Variants in TMEM63B observed in about 807,000 individuals in gnomAD.
TMEM63B encodes the protein transmembrane protein 63B.
A neutral mutation model predicts 102.6 loss-of-function variants in TMEM63B; 23 were observed. The observed-to-expected ratio is 0.22, with a 90% CI of 0.16 to 0.32. The LOEUF (loss-of-function observed/expected upper bound fraction) is 0.32, where lower values mean the gene tolerates loss of function less well. Ranked by LOEUF, TMEM63B falls within the 10% of genes least tolerant of loss-of-function variation. The pLI is 1.00. For synonymous variants in TMEM63B, 444 were observed against 437.0 expected (o/e 1.02, Z -0.20); for missense variants, 628 against 1,095.9 (o/e 0.57, Z 6.03).
intron 8 of TMEM63B, 143 bp from the exon 9 acceptor site, chr6:44,140,109 C>A: frequency 1.5e-6 from 1 of 673,814 alleles, no homozygotes; most frequent in Non-Finnish European, 2.6e-6. Flanking sequence ...TGTGGGCCTG[C>A]CTTGCGAGGA....
At chr6:44,145,199 C>T (rs1765097296) in intron 10 of TMEM63B, among the ~76,000 whole-genome samples, 1 of 148,548 alleles carries the variant, frequency 6.7e-6, no homozygotes, top group Admixed American at 6.8e-5. Flanking sequence ...CACTTGAACC[C>T]AAGAGGTGGA....
intron 15 of TMEM63B, 105 bp from the exon 16 acceptor site, chr6:44,149,754 T>C (rs1766195637): frequency 1.2e-6 from 1 of 854,660 alleles, no homozygotes; most frequent in East Asian, 2.7e-5. Context: ...ATGGGAGCCC[T>C]GAGAGTTGTG....
chr6:44,155,073 G>A lies in TMEM63B; in HGVS notation c.*190G>A. ...AGGGAGGGAGCCCCCCAACCTCAGT[G>A]AGGAGAGCCCCGAGCCGGCCCCGGG... On this transcript the variant is annotated 3_prime_UTR_variant, in exon 24 of 24. Transcript: ENST00000323267. The A allele has an allele frequency of 1.8e-6, 1 of 548,076 alleles. No homozygotes were observed. Among genetic ancestry groups the A allele is most frequent in the South Asian group, 3.7e-5 (1 of 27,346 alleles). 34.0% of individuals were successfully genotyped at this position (548,076 alleles called of 1,614,324 possible).
In TMEM63B at chr6:44,149,984, C is replaced by T. The variant is rs1280983067; in HGVS notation, c.1520+19C>T. On this transcript the variant is annotated intron_variant, in intron 16 of 23. Transcript: ENST00000323267. ...GGACACGGTAAGGTGCCTCCACTCACACCACACCTCGCTGTGGCCTGCCCT... is the reference window on the plus strand; with the variant it reads ...GGACACGGTAAGGTGCCTCCACTCATACCACACCTCGCTGTGGCCTGCCCT... The T allele has an allele frequency of 1.2e-6, 2 of 1,603,554 alleles. No individual in the cohort carries two copies. The highest frequency in any genetic ancestry group is 1.3e-5 in the African/African-American group (1 of 74,692).
chr6:44,129,929 A>T (rs1411248746), intron 1 of TMEM63B, among the ~76,000 whole-genome samples: 1 of 152,188 alleles, frequency 6.6e-6, no homozygotes, highest in Non-Finnish European at 1.5e-5. Flanking sequence ...GCCCAGGGTG[A>T]CTAAGTAATT....
rs963994820 is a variant in TMEM63B, at chr6:44,147,226, G to A, written c.864-151G>A. 9 of 1,295,050 alleles carry A rather than the reference G, an allele frequency of 6.9e-6. No individual in the cohort carries two copies. The South Asian group carries it at 1.2e-4, about 18-fold the overall frequency. 80.2% of individuals were successfully genotyped at this position (1,295,050 alleles called of 1,614,324 possible). On this transcript the variant is annotated intron_variant, in intron 11 of 23. Transcript: ENST00000323267. ...AAGAACTTCTGGCCCTCTAGGGATG[G>A]GTGGGGAGACCTTGGGATGTGGCCA...
Position 44,154,068 on chromosome 6 carries a change from AC to A in TMEM63B, c.2111-3del. The A allele has an allele frequency of 1.9e-6, 3 of 1,613,768 alleles. No individual in the cohort carries two copies. The highest frequency in any genetic ancestry group is 2.5e-6 in the Non-Finnish European group (3 of 1,179,750). On this transcript the variant is annotated splice_region_variant and splice_polypyrimidine_tract_variant and intron_variant, in intron 21 of 23. Coordinates refer to ENST00000323267, the MANE Select transcript of TMEM63B (RefSeq NM_018426.3). ...GCAACCCCATTCTTTGCCCCCCAAC[AC>A]CAGGGTTCCTAGCTCCCACGTCTAT...
chr6:44,149,201 T>C, intron 15 of TMEM63B: 1 of 556,956 alleles, frequency 1.8e-6, no homozygotes, highest in Non-Finnish European at 3.2e-6. Context: ...AGTCCTGATC[T>C]CAGAGAAGTC....
At position 44,150,558 on chromosome 6, in the gene TMEM63B, C is replaced by T; in HGVS notation, c.1608-6C>T. The stretch of plus-strand genomic sequence containing the variant: ...CCCACCCCATCTCTCCTCTGCTTCC[C>T]TCCAGCCTGGACCTCTTCTTCCGCT... On this transcript the variant is annotated splice_polypyrimidine_tract_variant and splice_region_variant and intron_variant, in intron 17 of 23. Transcript: ENST00000323267. This position sits in a 1 kb window ranked among gnomAD's most constrained non-coding sequence, Gnocchi z 4.7. 2.5e-6 allele frequency: 4 copies of T among 1,614,168 alleles called. No individual in the cohort carries two copies. Among genetic ancestry groups the T allele is most frequent in the Admixed American group, 1.7e-5 (1 of 60,028 alleles).
rs1284480697 is a variant in TMEM63B at position 44,152,784 on chromosome 6, G to A, written c.1942+86G>A. 18 of 1,157,332 alleles carry A rather than the reference G, an allele frequency of 1.6e-5. No homozygotes were observed. The highest frequency in any genetic ancestry group is 2.0e-4 in the Middle Eastern group (1 of 4,980). The allele number at this position is 1,157,332 out of a possible 1,614,324, so 71.7% of individuals were successfully genotyped here. A position where few individuals can be genotyped will look rare whatever the true frequency, so the allele number is the denominator to read the frequency against. On this transcript the variant is annotated intron_variant, in intron 20 of 23. Coordinates refer to ENST00000323267, the MANE Select transcript of TMEM63B (RefSeq NM_018426.3). This position sits in a 1 kb window ranked among gnomAD's most constrained non-coding sequence, Gnocchi z 6.4. ...CCACTCTAGGAATGCAGGCCACCCC[G>A]AGTGGACAGGGCCCGGCTGGGAGAC...
At chr6:44,138,844 C>T in intron 6 of TMEM63B, 1 of 345,418 alleles carries the variant, frequency 2.9e-6, no homozygotes, top group Non-Finnish European at 5.5e-6. Context: ...CTGGGAGCAG[C>T]CAGCCAGCTG....
rs754371756 is a variant in TMEM63B, at chr6:44,151,797, C to T, written c.1674-49C>T. On this transcript the variant is annotated intron_variant, in intron 18 of 23. Coordinates refer to ENST00000323267, the MANE Select transcript of TMEM63B (RefSeq NM_018426.3). The stretch of plus-strand genomic sequence containing the variant: ...TGTAGTTCTGGCAGTGGGCGGGCGG[C>T]CACCGGGTCACCCCAAGGGTGCAGT... The T allele has an allele frequency of 7.2e-6, 11 of 1,531,308 alleles. No homozygotes were observed. The South Asian group carries it at 1.4e-4, about 19-fold the overall frequency. The allele number at this position is 1,531,308 out of a possible 1,614,324, so 94.9% of individuals were successfully genotyped here.
At position 44,152,820 on chromosome 6, in the gene TMEM63B, G is replaced by C; in HGVS notation, c.1942+122G>C. 1.3e-6 allele frequency: 1 copy of C among 793,478 alleles called. No individual in the cohort carries two copies. Among genetic ancestry groups the C allele is most frequent in the East Asian group, 2.7e-5 (1 of 37,404 alleles). 49.2% of individuals were successfully genotyped at this position (793,478 alleles called of 1,614,324 possible). A position where few individuals can be genotyped will look rare whatever the true frequency, so the allele number is the denominator to read the frequency against. On this transcript the variant is annotated intron_variant, in intron 20 of 23. Coordinates refer to ENST00000323267, the MANE Select transcript of TMEM63B (RefSeq NM_018426.3). This position sits in a 1 kb window ranked among gnomAD's most constrained non-coding sequence, Gnocchi z 6.4. The stretch of plus-strand genomic sequence containing the variant: ...GCCCGGCTGGGAGACCGGCCCCTCG[G>C]GGCTCCCGCCCGGTCCCTGGCTCAG...
At position 44,154,853 on chromosome 6, in the gene TMEM63B, C is replaced by CAGCCTCATAGAGAATGAGATTCACCAGT. The variant is rs1201630324; in HGVS notation, c.2471_2498dup (p.Ter833=). ...ACACAGACTTCCAGTCTTGCGAGGA[C>CAGCCTCATAGAGAATGAGATTCACCAGT]AGCCTCATAGAGAATGAGATTCACC... On this transcript the variant is annotated frameshift_variant, in exon 24 of 24. Transcript: ENST00000323267. LOFTEE classifies it high-confidence loss of function. 1 of 1,602,288 alleles carries CAGCCTCATAGAGAATGAGATTCACCAGT rather than the reference C, an allele frequency of 6.2e-7. No homozygotes were observed. Among genetic ancestry groups the CAGCCTCATAGAGAATGAGATTCACCAGT allele is most frequent in the Non-Finnish European group, 8.5e-7 (1 of 1,175,068 alleles).
intron 1 of TMEM63B, chr6:44,134,333 T>G (rs1013473839): frequency 3.9e-6 from 2 of 513,130 alleles, no homozygotes; most frequent in Non-Finnish European, 6.9e-6. Flanking sequence ...GCCTGGCATC[T>G]AGACTGAGTT....
chr6:44,131,675 C>T (rs770908527), intron 1 of TMEM63B, among the ~76,000 whole-genome samples: 3 of 152,122 alleles, frequency 2.0e-5, no homozygotes, highest in East Asian at 1.9e-4. Context: ...GCCAAGATCG[C>T]GCCACTGCAC....
Position 44,140,969 on chromosome 6 carries a change from A to G in TMEM63B, c.712-59A>G. ...TTCTCTAGTGCCCCCCACCCCTCAC[A>G]TCCCCTGGCTCCACTGGGGTCAAGC... On this transcript the variant is annotated intron_variant, in intron 9 of 23. Coordinates refer to ENST00000323267, the MANE Select transcript of TMEM63B (RefSeq NM_018426.3). The G allele has an allele frequency of 4.0e-6, 6 of 1,509,468 alleles. No homozygotes were observed. The East Asian group carries it at 1.1e-4, about 28-fold the overall frequency. 93.5% of individuals were successfully genotyped at this position (1,509,468 alleles called of 1,614,324 possible).
Position 44,148,381 on chromosome 6 carries a change from G to A in TMEM63B, c.1117G>A (p.Ala373Thr). The A allele has an allele frequency of 6.2e-7, 1 of 1,614,236 alleles. No individual in the cohort carries two copies. Among genetic ancestry groups the A allele is most frequent in the Non-Finnish European group, 8.5e-7 (1 of 1,180,044 alleles). Residue 373 changes from alanine to threonine, a missense_variant, in exon 13 of 24, where the codon GCC becomes ACC. This residue lies in a region of TMEM63B where 336 missense variants were observed against 580.3 expected (regional missense o/e 0.58). Coordinates refer to ENST00000323267, the MANE Select transcript of TMEM63B (RefSeq NM_018426.3). This position sits in a 1 kb window ranked among gnomAD's most constrained non-coding sequence, Gnocchi z 5.1. Reference sequence around the variant, plus strand: ...CACCTTCCACAATGAGACTATCACCGCCATGTGAGTCCCCAACTCGGCCCT... The same window carrying A: ...CACCTTCCACAATGAGACTATCACCACCATGTGAGTCCCCAACTCGGCCCT... ...FVTFHNETITAIILKDFNVCK... is the reference protein window; with the variant it reads ...FVTFHNETITTIILKDFNVCK...
intron 18 of TMEM63B, among the ~76,000 whole-genome samples, chr6:44,151,399 C>T (rs1196417335): frequency 6.6e-6 from 1 of 152,028 alleles, no homozygotes; most frequent in East Asian, 1.9e-4. Flanking sequence ...TGGGCTCCCC[C>T]AGAGATGTTG....
Sources: allele counts gnomAD v4.1 joint callset (sites outside exome capture counted in the v4.1 genomes callset), GRCh38; gene constraint gnomAD v4.1.1; regional missense constraint gnomAD v4.1.1; non-coding constraint Gnocchi (gnomAD v3.1); transcripts MANE v1.5; gene names NCBI Gene and HGNC (gene_info 2026-07-23, HGNC 2026-07-21).